Variants in TP63 observed in about 807,000 individuals in gnomAD.
The protein encoded by TP63 is tumor protein 63.
A neutral mutation model predicts 82.8 loss-of-function variants in TP63; 17 were observed. The observed-to-expected ratio is 0.21, with a 90% CI of 0.14 to 0.31. TP63 has a LOEUF of 0.31. Ranked by LOEUF, TP63 falls within the 10% of genes least tolerant of loss-of-function variation. The pLI, the probability that TP63 is intolerant of heterozygous loss-of-function variation, is 1.00. For synonymous variants in TP63, 330 were observed against 321.7 expected (o/e 1.03, Z -0.28); for missense variants, 648 against 895.3 (o/e 0.72, Z 3.52).
At chr3:189,672,662 A>AAAG (rs1246837339) in intron 1 of TP63, among the ~76,000 whole-genome samples, 2 of 102,990 alleles carry the variant, frequency 1.9e-5, no homozygotes, top group Non-Finnish European at 4.2e-5. Context: ...GGAAGGAAGG[A>AAAG]AAGAAGGAAG....
At chr3:189,689,512 A>G (rs1437941392) in intron 1 of TP63, among the ~76,000 whole-genome samples, 1 of 152,176 alleles carries the variant, frequency 6.6e-6, no homozygotes, top group Non-Finnish European at 1.5e-5. Context: ...TTTGTTCTAC[A>G]ACAAAAATTC....
intron 1 of TP63, among the ~76,000 whole-genome samples, chr3:189,677,777 A>T (rs1416853549): frequency 6.6e-6 from 1 of 152,052 alleles, no homozygotes; most frequent in Non-Finnish European, 1.5e-5. Flanking sequence ...TCGACTTTTT[A>T]AAAATAGCCA....
At chr3:189,867,604 G>C (rs976752696) in intron 6 of TP63, among the ~76,000 whole-genome samples, 1 of 152,164 alleles carries the variant, frequency 6.6e-6, no homozygotes, top group African/African-American at 2.4e-5. Context: ...ATCACAAAAT[G>C]TTAAAGCCTG....
chr3:189,675,603 T>G (rs1355958044), intron 1 of TP63, among the ~76,000 whole-genome samples: 1 of 152,150 alleles, frequency 6.6e-6, no homozygotes, highest in Non-Finnish European at 1.5e-5. Flanking sequence ...TTTTCGCTAG[T>G]CTACTCAGTC....
At chr3:189,610,917 G>T in the TP63 span, among the ~76,000 whole-genome samples, 11 of 152,274 alleles carry the variant, frequency 7.2e-5, no homozygotes, top group African/African-American at 2.6e-4. Context: ...CAGGCAAAAA[G>T]AGAGCGCTTG....
chr3:189,852,082 C>T (rs760323139), intron 4 of TP63, among the ~76,000 whole-genome samples: 1 of 152,096 alleles, frequency 6.6e-6, no homozygotes, highest in Non-Finnish European at 1.5e-5. Context: ...GTTAAGACTA[C>T]ATGAAGGCAG....
the TP63 span, among the ~76,000 whole-genome samples, chr3:189,606,505 A>ATTT: frequency 8.9e-5 from 6 of 67,268 alleles, no homozygotes; most frequent in African/African-American, 1.2e-4. Flanking sequence ...TAAGATGGCC[A>ATTT]TTTTTTTTTT....
chr3:189,691,355 A>AAAAAAAAG (rs1553813522), intron 1 of TP63, among the ~76,000 whole-genome samples: 56 of 143,966 alleles, frequency 3.9e-4, no homozygotes, highest in Non-Finnish European at 6.6e-4. Flanking sequence ...AAAAAAAAAA[A>AAAAAAAAG]AAAAAGAAAA....
intron 1 of TP63, among the ~76,000 whole-genome samples, chr3:189,686,671 A>T (rs1716462441): frequency 6.7e-6 from 1 of 150,022 alleles, no homozygotes; most frequent in Admixed American, 6.7e-5. Flanking sequence ...ATAAGGGAAC[A>T]TACCACCAGT....
At chr3:189,854,283 T>C (rs1271748372) in intron 4 of TP63, among the ~76,000 whole-genome samples, 4 of 152,174 alleles carry the variant, frequency 2.6e-5, no homozygotes, top group Non-Finnish European at 4.4e-5. Context: ...CAGGCCGGAG[T>C]GCAATGGCGC....
At chr3:189,857,322 T>A (rs1192084676) in intron 4 of TP63, among the ~76,000 whole-genome samples, 1 of 152,138 alleles carries the variant, frequency 6.6e-6, no homozygotes, top group Non-Finnish European at 1.5e-5. Context: ...CAATTGGATA[T>A]CTGTTAAAAA....
the TP63 span, among the ~76,000 whole-genome samples, chr3:189,599,791 T>C: frequency 6.6e-4 from 100 of 152,340 alleles, no homozygotes; most frequent in African/African-American, 2.2e-3. Context: ...ACTTTGACAT[T>C]GCTTGGATAA....
At chr3:189,858,137 GGCT>G (rs1346868484) in intron 4 of TP63, among the ~76,000 whole-genome samples, 170 of 14,504 alleles carry the variant, frequency 0.012, 69 homozygotes, top group African/African-American at 0.039. Context: ...CGGGCGCGGT[GGCT>G]CACGCCTGTA....
intron 1 of TP63, among the ~76,000 whole-genome samples, chr3:189,715,921 G>T (rs1718924431): frequency 1.3e-5 from 2 of 152,128 alleles, no homozygotes; most frequent in Non-Finnish European, 2.9e-5. Flanking sequence ...TTCTCAGAGG[G>T]ATGTGGATTT....
At chr3:189,677,121 C>T (rs1304106320) in intron 1 of TP63, among the ~76,000 whole-genome samples, 1 of 151,522 alleles carries the variant, frequency 6.6e-6, no homozygotes, top group Non-Finnish European at 1.5e-5. Flanking sequence ...AGATAATGGC[C>T]TCTAGGTTCA....
At chr3:189,834,179 G>A (rs1274543260) in intron 4 of TP63, among the ~76,000 whole-genome samples, 2 of 152,112 alleles carry the variant, frequency 1.3e-5, no homozygotes, top group African/African-American at 2.4e-5. Flanking sequence ...GGCCTGCAGC[G>A]CTTATGTAGA....
At chr3:189,831,178 A>G (rs1245238223) in intron 4 of TP63, among the ~76,000 whole-genome samples, 1 of 152,212 alleles carries the variant, frequency 6.6e-6, no homozygotes, top group Non-Finnish European at 1.5e-5. Context: ...ATCTGTGACA[A>G]CAACAAAAGC....
chr3:189,871,448 A>C (rs1295896795), intron 9 of TP63, among the ~76,000 whole-genome samples: 1 of 152,168 alleles, frequency 6.6e-6, no homozygotes, highest in East Asian at 1.9e-4. Context: ...CAAAGATGCA[A>C]AAACTATAAA....
chr3:189,789,645 C>G, intron 3 of TP63: 1 of 1,408,520 alleles, frequency 7.1e-7, no homozygotes, highest in Non-Finnish European at 9.2e-7. Context: ...TATTAGGAAA[C>G]CTTAAATTAT....
Sources: allele counts gnomAD v4.1 joint callset (sites outside exome capture counted in the v4.1 genomes callset), GRCh38; gene constraint gnomAD v4.1.1; transcripts MANE v1.5; gene names NCBI Gene and HGNC (gene_info 2026-07-23, HGNC 2026-07-21).